The following C11orf97 variants were observed in gnomAD, a reference collection of about 807,000 sequenced individuals.
The protein encoded by C11orf97 is uncharacterized protein C11orf97.
In C11orf97, 15 loss-of-function variants were observed where a neutral mutation model predicts 16.2. That is an observed-to-expected ratio of 0.93 (90% CI 0.62 to 1.43). C11orf97 has a LOEUF of 1.43. Ranked by LOEUF, C11orf97 falls within the 40% of genes most tolerant of loss-of-function variation. C11orf97 has a pLI of 0.00. For missense variants in C11orf97, 171 were observed against 161.2 expected, an observed-to-expected ratio of 1.06 and a Z score of -0.33; for synonymous variants, 61 against 65.7, an observed-to-expected ratio of 0.93 and a Z score of 0.34.
Position 94,517,568 on chromosome 11 carries a change from T to C in C11orf97, c.146-15T>C. ...TATTTATACTAAGTAATTGATTTTG[T>C]TAATGCCTTTATAGGGAAGAAATTT... is the stretch of plus-strand genomic sequence containing the variant. On this transcript the variant is annotated splice_polypyrimidine_tract_variant and intron_variant, in intron 1 of 3. Transcript: ENST00000542198. 7 of 1,451,864 alleles carry C rather than the reference T, an allele frequency of 4.8e-6. No homozygotes were observed. Among genetic ancestry groups the C allele is most frequent in the South Asian group, 1.3e-5 (1 of 77,632 alleles). The allele number at this position is 1,451,864 out of a possible 1,614,324, so 89.9% of individuals were successfully genotyped here.
At chr11:94,530,668 T>C (rs746629969) in intron 3 of C11orf97, among the ~76,000 whole-genome samples, 5 of 152,196 alleles carry the variant, frequency 3.3e-5, no homozygotes, top group Admixed American at 1.3e-4. Flanking sequence ...CCAGTAAGTA[T>C]ATGTTAAATG....
intron 1 of C11orf97, among the ~76,000 whole-genome samples, chr11:94,515,966 G>C (rs993822467): frequency 6.6e-6 from 1 of 152,160 alleles, no homozygotes; most frequent in Non-Finnish European, 1.5e-5. Context: ...AGCCAAGTTT[G>C]TGAACCCTTT....
intron 2 of C11orf97, among the ~76,000 whole-genome samples, chr11:94,518,113 A>T (rs970517111): frequency 6.9e-6 from 1 of 143,944 alleles, no homozygotes; most frequent in African/African-American, 2.6e-5. Flanking sequence ...GCGCCACTGT[A>T]CCCCAGCCTG....
chr11:94,526,950 TAGTCCATGCTTGG>T (rs1211367430), intron 2 of C11orf97, among the ~76,000 whole-genome samples: 1 of 152,196 alleles, frequency 6.6e-6, no homozygotes. Flanking sequence ...CACGGAATCT[TAGTCCATGCTTGG>T]ATAGTAAAAT....
At chr11:94,519,611 A>T (rs1591747125) in intron 2 of C11orf97, among the ~76,000 whole-genome samples, 1 of 152,340 alleles carries the variant, frequency 6.6e-6, no homozygotes, top group East Asian at 1.9e-4. Context: ...TTTCCTAAGC[A>T]ATCTTTTCAA....
chr11:94,529,487 T>C (rs1459836845), intron 3 of C11orf97, among the ~76,000 whole-genome samples: 1 of 152,236 alleles, frequency 6.6e-6, no homozygotes, highest in East Asian at 1.9e-4. Context: ...GAGCCAGGCA[T>C]GGCAGCAAGT....
chr11:94,512,617 T>TGGGGTGC lies in C11orf97; in HGVS notation c.94_100dup (p.Ala34ValfsTer25). On this transcript the variant is annotated frameshift_variant, in exon 1 of 4. Coordinates refer to ENST00000542198, the MANE Select transcript of C11orf97 (RefSeq NM_001190462.2). LOFTEE classifies it high-confidence loss of function. The stretch of plus-strand genomic sequence containing the variant: ...GAGCAGCCTCCTCCGCCAGCAGGGC[T>TGGGGTGC]GGGGTGCGGGGCGCGCGGGGAACCC... The TGGGGTGC allele has an allele frequency of 7.9e-7, 1 of 1,265,774 alleles. No homozygotes were observed. The allele number at this position is 1,265,774 out of a possible 1,614,324, so 78.4% of individuals were successfully genotyped here.
chr11:94,517,898 C>T (rs1008229514), intron 2 of C11orf97, among the ~76,000 whole-genome samples: 24 of 152,074 alleles, frequency 1.6e-4, no homozygotes, highest in Admixed American at 1.6e-3. Flanking sequence ...GCCTGTAATC[C>T]CAGCACTTTG....
chr11:94,518,349 A>G (rs1255187084), intron 2 of C11orf97, among the ~76,000 whole-genome samples: 1 of 152,090 alleles, frequency 6.6e-6, no homozygotes, highest in Non-Finnish European at 1.5e-5. Context: ...ATTACCTGGG[A>G]GCTTGTTAAA....
Position 94,531,926 on chromosome 11 carries a change from G to T in C11orf97, c.*26G>T. On this transcript the variant is annotated 3_prime_UTR_variant, in exon 4 of 4. Transcript: ENST00000542198. ...GATGAATTAGATTTTCCATTAAGAAGGAACCTCTTTCTGCTGATGTCTGAA... is the reference window on the plus strand; with the variant it reads ...GATGAATTAGATTTTCCATTAAGAATGAACCTCTTTCTGCTGATGTCTGAA... The T allele has an allele frequency of 6.9e-7, 1 of 1,455,866 alleles. No homozygotes were observed. Among genetic ancestry groups the T allele is most frequent in the Non-Finnish European group, 9.0e-7 (1 of 1,107,046 alleles). The allele number at this position is 1,455,866 out of a possible 1,614,324, so 90.2% of individuals were successfully genotyped here. A position where few individuals can be genotyped will look rare whatever the true frequency, so the allele number is the denominator to read the frequency against.
At chr11:94,519,063 C>T (rs567154891) in intron 2 of C11orf97, among the ~76,000 whole-genome samples, 1 of 152,206 alleles carries the variant, frequency 6.6e-6, no homozygotes, top group Admixed American at 6.5e-5. Flanking sequence ...CACACACCAC[C>T]ACGGCCCAGC....
At chr11:94,516,880 AAG>A (rs752841913) in intron 1 of C11orf97, among the ~76,000 whole-genome samples, 10 of 152,296 alleles carry the variant, frequency 6.6e-5, no homozygotes, top group Admixed American at 1.3e-4. Flanking sequence ...CTCAGAGAGC[AAG>A]AGAGAGAGGC....
chr11:94,519,078 T>G (rs1048879092), intron 2 of C11orf97, among the ~76,000 whole-genome samples: 3 of 152,026 alleles, frequency 2.0e-5, no homozygotes, highest in African/African-American at 7.3e-5. Context: ...CCCAGCTAAT[T>G]TTTGTATTTT....
At chr11:94,517,114 C>T (rs780274671) in intron 1 of C11orf97, among the ~76,000 whole-genome samples, 7 of 152,190 alleles carry the variant, frequency 4.6e-5, no homozygotes, top group Non-Finnish European at 1.0e-4. Context: ...TACTACAATT[C>T]AGTTTCAATC....
intron 1 of C11orf97, among the ~76,000 whole-genome samples, chr11:94,513,077 T>A (rs1246391507): frequency 1.3e-5 from 2 of 152,116 alleles, no homozygotes; most frequent in Non-Finnish European, 2.9e-5. Context: ...GTTATTTCAT[T>A]TTACAGATGA....
At chr11:94,530,687 T>C (rs922212143) in intron 3 of C11orf97, among the ~76,000 whole-genome samples, 2 of 152,232 alleles carry the variant, frequency 1.3e-5, no homozygotes, top group African/African-American at 2.4e-5. Context: ...TGCCTCTTTA[T>C]GTTTAGAATC....
intron 2 of C11orf97, among the ~76,000 whole-genome samples, chr11:94,527,835 CTATT>C (rs1195522957): frequency 6.6e-6 from 1 of 152,098 alleles, no homozygotes; most frequent in Non-Finnish European, 1.5e-5. Context: ...TTCTATTCAT[CTATT>C]TATTTAGGGG....
intron 2 of C11orf97, among the ~76,000 whole-genome samples, chr11:94,522,484 C>G (rs1201957334): frequency 6.6e-6 from 1 of 152,170 alleles, no homozygotes; most frequent in Non-Finnish European, 1.5e-5. Flanking sequence ...TTGCAGTGAG[C>G]CGAGATCCGC....
chr11:94,524,586 G>GAAA (rs56304137), intron 2 of C11orf97, among the ~76,000 whole-genome samples: 16,901 of 115,228 alleles, frequency 0.15, 1,973 homozygotes, highest in African/African-American at 0.27. Context: ...ACCTCATCCT[G>GAAA]AAAAAAAAAA....
Sources: gnomAD v4.1 joint callset for allele counts (sites outside exome capture counted in the v4.1 genomes callset) on GRCh38, gnomAD v4.1.1 for gene constraint, MANE v1.5 for transcripts, NCBI Gene and HGNC (gene_info 2026-07-23, HGNC 2026-07-21) for gene names.